Variants in VWC2 observed in about 807,000 individuals in gnomAD.
The protein encoded by VWC2 is von Willebrand factor C domain containing 2, also known as brorin.
In VWC2, 14 loss-of-function variants were observed where a neutral mutation model predicts 29.8. The observed-to-expected ratio is 0.47, with a 90% CI of 0.31 to 0.74. The LOEUF (loss-of-function observed/expected upper bound fraction) is 0.74, where lower values mean the gene tolerates loss of function less well. Among genes scored for constraint, VWC2 ranks in the 30% least tolerant of loss-of-function variants. The probability of loss-of-function intolerance (pLI) is 0.05; values close to 1 mark genes in which losing one functional copy is unlikely to be tolerated. For synonymous variants in VWC2, 213 were observed against 199.0 expected (o/e 1.07, Z -0.59); for missense variants, 457 against 459.8 (o/e 0.99, Z 0.05).
chr7:49,900,170 A>T (rs956567045), intron 3 of VWC2, among the ~76,000 whole-genome samples: 2 of 151,534 alleles, frequency 1.3e-5, no homozygotes, highest in African/African-American at 4.8e-5. Context: ...TGTGGGATAT[A>T]GTGAAAGCAG....
intron 3 of VWC2, among the ~76,000 whole-genome samples, chr7:49,814,964 A>G (rs17731405): frequency 0.11 from 16,665 of 152,266 alleles, 1,124 homozygotes; most frequent in East Asian, 0.17. Flanking sequence ...TCCTAATCCC[A>G]TTGTATTCTT....
chr7:49,794,428 C>A (rs1382760496), intron 2 of VWC2, among the ~76,000 whole-genome samples: 1 of 152,230 alleles, frequency 6.6e-6, no homozygotes, highest in Non-Finnish European at 1.5e-5. Flanking sequence ...CTTGCCCAAG[C>A]TTACACCAAT....
intron 3 of VWC2, among the ~76,000 whole-genome samples, chr7:49,854,177 A>C (rs1479943804): frequency 2.0e-5 from 3 of 152,136 alleles, no homozygotes; most frequent in Non-Finnish European, 4.4e-5. Flanking sequence ...ATAAGCATAC[A>C]TGTGCACGTG....
At chr7:49,834,607 T>C (rs1264558645) in intron 3 of VWC2, among the ~76,000 whole-genome samples, 2 of 152,246 alleles carry the variant, frequency 1.3e-5, no homozygotes, top group African/African-American at 4.8e-5. Flanking sequence ...TCCTTCCTAC[T>C]GCAAACACGA....
intron 3 of VWC2, among the ~76,000 whole-genome samples, chr7:49,893,347 C>A (rs1340005888): frequency 4.6e-5 from 7 of 152,156 alleles, no homozygotes; most frequent in African/African-American, 7.2e-5. Flanking sequence ...CCCTGGGAGT[C>A]ACTGAGAAAG....
intron 3 of VWC2, among the ~76,000 whole-genome samples, chr7:49,817,586 GCT>G (rs1789175834): frequency 6.6e-6 from 1 of 152,158 alleles, no homozygotes; most frequent in African/African-American, 2.4e-5. Flanking sequence ...GACACATTCT[GCT>G]CTTACACTAA....
At chr7:49,823,888 T>G (rs1229737624) in intron 3 of VWC2, among the ~76,000 whole-genome samples, 2 of 152,242 alleles carry the variant, frequency 1.3e-5, no homozygotes, top group Admixed American at 6.5e-5. Context: ...GCCATTTTTA[T>G]GTCCTATTTT....
At chr7:49,838,147 A>T (rs997096595) in intron 3 of VWC2, among the ~76,000 whole-genome samples, 1 of 152,324 alleles carries the variant, frequency 6.6e-6, no homozygotes, top group African/African-American at 2.4e-5. Flanking sequence ...TGTCTTCCCT[A>T]TCCCCCCATC....
At chr7:49,810,600 A>T (rs1788987160) in intron 3 of VWC2, among the ~76,000 whole-genome samples, 1 of 152,176 alleles carries the variant, frequency 6.6e-6, no homozygotes, top group South Asian at 2.1e-4. Flanking sequence ...AAGTTGGAAA[A>T]TTTGTACTAT....
chr7:49,873,849 A>G (rs1487153471), intron 3 of VWC2, among the ~76,000 whole-genome samples: 1 of 152,098 alleles, frequency 6.6e-6, no homozygotes, highest in African/African-American at 2.4e-5. Flanking sequence ...ATAATGTACT[A>G]CTACACAGCA....
intron 2 of VWC2, among the ~76,000 whole-genome samples, chr7:49,798,568 C>A (rs1788654140): frequency 6.6e-6 from 1 of 152,156 alleles, no homozygotes. Context: ...GTACAGTGGC[C>A]ATCCTGGGGC....
At chr7:49,876,259 T>C (rs1360019240) in intron 3 of VWC2, among the ~76,000 whole-genome samples, 1 of 152,154 alleles carries the variant, frequency 6.6e-6, no homozygotes. Flanking sequence ...TTTGAAAATA[T>C]AGGTAAATTT....
rs1307587952 is a variant in VWC2 at position 49,775,688 on chromosome 7, G to A, written c.253G>A (p.Ala85Thr). The change falls in exon 2 of 4, where the codon GCC (alanine) becomes ACC (threonine). Residue 85 changes from alanine to threonine, a missense_variant. Ala to Thr is a moderately conservative substitution (Grantham distance 58, BLOSUM62 0). Transcript: ENST00000340652. ...DWKSKSGRGLAGREPWSKLKQ... is the reference protein window; with the variant it reads ...DWKSKSGRGLTGREPWSKLKQ... ...GAAGAGCAAGAGCGGCCGTGGGCTCGCCGGCCGTGAGCCGTGGAGCAAGCT... is the reference window on the plus strand; with the variant it reads ...GAAGAGCAAGAGCGGCCGTGGGCTCACCGGCCGTGAGCCGTGGAGCAAGCT... The A allele has an allele frequency of 7.9e-6, 12 of 1,522,840 alleles. No homozygotes were observed. In the African/African-American group the frequency reaches 1.7e-4, roughly 22 times the overall value. The allele number at this position is 1,522,840 out of a possible 1,614,324, so 94.3% of individuals were successfully genotyped here.
chr7:49,782,869 A>G (rs890120202), intron 2 of VWC2, among the ~76,000 whole-genome samples: 1 of 151,498 alleles, frequency 6.6e-6, no homozygotes, highest in Non-Finnish European at 1.5e-5. Context: ...ACAGAAAAGA[A>G]AAGAAAAAAA....
intron 3 of VWC2, among the ~76,000 whole-genome samples, chr7:49,889,662 C>T (rs1420976356): frequency 6.6e-6 from 1 of 152,168 alleles, no homozygotes; most frequent in African/African-American, 2.4e-5. Flanking sequence ...TAAGTTTGCC[C>T]TAGGAGCTCC....
At chr7:49,827,787 C>T (rs1474409976) in intron 3 of VWC2, among the ~76,000 whole-genome samples, 1 of 152,158 alleles carries the variant, frequency 6.6e-6, no homozygotes, top group Non-Finnish European at 1.5e-5. Context: ...ATAGCCTTCT[C>T]TGGACACCCC....
At position 49,912,385 on chromosome 7, in the gene VWC2, G is replaced by T; in HGVS notation, c.*200G>T. 2.0e-6 allele frequency: 1 copy of T among 510,272 alleles called. No individual in the cohort carries two copies. Among genetic ancestry groups the T allele is most frequent in the Non-Finnish European group, 3.4e-6 (1 of 298,080 alleles). 31.6% of individuals were successfully genotyped at this position (510,272 alleles called of 1,614,324 possible). ...TTTCAAAACATCAACAAGAACTTTG[G>T]GCATAAAATCCTTCTCTAAATAAAT... is the stretch of plus-strand genomic sequence containing the variant. On this transcript the variant is annotated 3_prime_UTR_variant, in exon 4 of 4. Transcript: ENST00000340652.
At chr7:49,789,918 C>T (rs1343328363) in intron 2 of VWC2, among the ~76,000 whole-genome samples, 1 of 152,210 alleles carries the variant, frequency 6.6e-6, no homozygotes, top group African/African-American at 2.4e-5. Flanking sequence ...TCCGGGGGGC[C>T]CTACGGCCCC....
In VWC2 at chr7:49,802,617, G is replaced by A. The variant is rs1348328820; in HGVS notation, c.697-94G>A. On this transcript the variant is annotated intron_variant, in intron 2 of 3. Transcript: ENST00000340652. ...CGCACCACTGCACTCCAGTGTGAGC[G>A]ACAGAGCGAGACTCCATTTCAAAAA... 4.6e-6 allele frequency: 7 copies of A among 1,527,600 alleles called. No individual in the cohort carries two copies. In the Admixed American group the frequency reaches 7.0e-5, roughly 15 times the overall value. The allele number at this position is 1,527,600 out of a possible 1,614,324, so 94.6% of individuals were successfully genotyped here.
Sources: allele counts gnomAD v4.1 joint callset (sites outside exome capture counted in the v4.1 genomes callset), GRCh38; gene constraint gnomAD v4.1.1; transcripts MANE v1.5; gene names NCBI Gene and HGNC (gene_info 2026-07-23, HGNC 2026-07-21).